Variants in NRG1 observed in about 807,000 individuals in gnomAD.
The protein encoded by NRG1 is neuregulin 1, also known as pro-neuregulin-1, membrane-bound isoform.
A neutral mutation model predicts 63.8 loss-of-function variants in NRG1; 18 were observed. That is an observed-to-expected ratio of 0.28 (90% CI 0.19 to 0.42). The LOEUF (loss-of-function observed/expected upper bound fraction) is 0.42, where lower values mean the gene tolerates loss of function less well. NRG1 is among the 10% of genes least tolerant of loss of function. The pLI is 1.00. For synonymous variants in NRG1, 302 were observed against 301.3 expected (o/e 1.00, Z -0.02); for missense variants, 762 against 814.7 (o/e 0.94, Z 0.79).
intron 1 of NRG1, among the ~76,000 whole-genome samples, chr8:31,747,125 T>C (rs1815959335): frequency 6.6e-6 from 1 of 151,908 alleles, no homozygotes; most frequent in Non-Finnish European, 1.5e-5. Context: ...GAGACTATAG[T>C]CAATAATAAT....
intron 1 of NRG1, among the ~76,000 whole-genome samples, chr8:31,847,664 A>G (rs1826818663): frequency 6.6e-6 from 1 of 152,244 alleles, no homozygotes; most frequent in African/African-American, 2.4e-5. Flanking sequence ...AAAAGACCAC[A>G]TAAATGTTAC....
intron 1 of NRG1, among the ~76,000 whole-genome samples, chr8:31,987,850 G>C (rs1009707713): frequency 4.6e-5 from 7 of 152,048 alleles, no homozygotes; most frequent in African/African-American, 1.7e-4. Flanking sequence ...AAAATAATTA[G>C]AGAGTGGTAG....
At chr8:32,330,514 C>T (rs749388994) in intron 1 of NRG1, among the ~76,000 whole-genome samples, 1 of 152,158 alleles carries the variant, frequency 6.6e-6, no homozygotes, top group Non-Finnish European at 1.5e-5. Flanking sequence ...AATTCATTTG[C>T]CAGAGTCCTC....
intron 1 of NRG1, among the ~76,000 whole-genome samples, chr8:32,049,650 T>C (rs1206028189): frequency 6.6e-6 from 1 of 152,152 alleles, no homozygotes; most frequent in African/African-American, 2.4e-5. Flanking sequence ...AATACAATAT[T>C]GTTTTCTTTA....
intron 1 of NRG1, among the ~76,000 whole-genome samples, chr8:31,973,392 G>A (rs577199352): frequency 1.7e-3 from 254 of 152,168 alleles, no homozygotes; most frequent in Admixed American, 3.2e-3. Flanking sequence ...GTATAAACTC[G>A]TAAATATTTA....
intron 1 of NRG1, among the ~76,000 whole-genome samples, chr8:31,854,832 A>G (rs1008696547): frequency 2.0e-5 from 3 of 152,126 alleles, no homozygotes; most frequent in African/African-American, 7.2e-5. Context: ...CGTTGGTTTC[A>G]AAGAACATCT....
chr8:31,956,625 A>T (rs79522785), intron 1 of NRG1, among the ~76,000 whole-genome samples: 4 of 150,572 alleles, frequency 2.7e-5, no homozygotes, highest in Non-Finnish European at 5.9e-5. Flanking sequence ...CTCCGTCTCA[A>T]AAAAAAAAAG....
At chr8:31,955,319 T>C (rs1445501657) in intron 1 of NRG1, among the ~76,000 whole-genome samples, 1 of 152,224 alleles carries the variant, frequency 6.6e-6, no homozygotes, top group Non-Finnish European at 1.5e-5. Flanking sequence ...CAGAATAGTT[T>C]AGAAACACTG....
At chr8:31,852,109 T>C (rs1186743377) in intron 1 of NRG1, among the ~76,000 whole-genome samples, 6 of 152,120 alleles carry the variant, frequency 3.9e-5, no homozygotes, top group Admixed American at 3.3e-4. Flanking sequence ...TTTACAGTCC[T>C]TTGGGTATAT....
At chr8:32,389,379 T>G (rs1811427856) in intron 1 of NRG1, among the ~76,000 whole-genome samples, 1 of 152,226 alleles carries the variant, frequency 6.6e-6, no homozygotes, top group South Asian at 2.1e-4. Flanking sequence ...GTGGGAGACC[T>G]AGTCGCAGGT....
chr8:31,650,085 C>A (rs1804685675), intron 1 of NRG1, among the ~76,000 whole-genome samples: 1 of 152,140 alleles, frequency 6.6e-6, no homozygotes, highest in Non-Finnish European at 1.5e-5. Context: ...CTCAAGCAGT[C>A]CTCCACTTCA....
At chr8:32,257,245 C>T (rs997434257) in intron 1 of NRG1, among the ~76,000 whole-genome samples, 3 of 152,160 alleles carry the variant, frequency 2.0e-5, no homozygotes, top group Non-Finnish European at 4.4e-5. Flanking sequence ...ATCCGCTGAG[C>T]TAGATCACTT....
intron 1 of NRG1, among the ~76,000 whole-genome samples, chr8:32,342,669 A>G (rs1804221770): frequency 6.6e-6 from 1 of 152,198 alleles, no homozygotes; most frequent in African/African-American, 2.4e-5. Flanking sequence ...CATAGCATAA[A>G]TTTTCTGTAT....
At chr8:32,561,847 T>C (rs1371813162) in intron 1 of NRG1, among the ~76,000 whole-genome samples, 1 of 150,688 alleles carries the variant, frequency 6.6e-6, no homozygotes, top group East Asian at 2.0e-4. Flanking sequence ...TTATTTAGGG[T>C]TTTTGGGGGG....
chr8:32,436,216 T>C (rs1434115848), intron 1 of NRG1, among the ~76,000 whole-genome samples: 1 of 152,118 alleles, frequency 6.6e-6, no homozygotes, highest in Non-Finnish European at 1.5e-5. Context: ...AAACACCTTA[T>C]AAAGCCATCA....
At chr8:32,211,863 T>A (rs1341100751) in intron 1 of NRG1, among the ~76,000 whole-genome samples, 3 of 152,178 alleles carry the variant, frequency 2.0e-5, no homozygotes, top group African/African-American at 7.2e-5. Flanking sequence ...CCTCCCATAC[T>A]ATCTCCAAGG....
intron 1 of NRG1, among the ~76,000 whole-genome samples, chr8:32,017,972 G>A (rs544209855): frequency 2.6e-5 from 4 of 152,274 alleles, no homozygotes; most frequent in Non-Finnish European, 4.4e-5. Context: ...TTCTGCCTTG[G>A]TCATCTTTTG....
At chr8:32,262,277 C>A (rs1398976931) in intron 1 of NRG1, among the ~76,000 whole-genome samples, 1 of 152,124 alleles carries the variant, frequency 6.6e-6, no homozygotes, top group African/African-American at 2.4e-5. Context: ...GACAGGACTG[C>A]TTGCTACTAA....
At chr8:32,510,861 C>T (rs944959739) in intron 1 of NRG1, among the ~76,000 whole-genome samples, 3 of 151,872 alleles carry the variant, frequency 2.0e-5, no homozygotes, top group South Asian at 2.1e-4. Flanking sequence ...AACAGGTCTT[C>T]GTCTTCTCAA....
Sources: gnomAD v4.1 joint callset for allele counts (sites outside exome capture counted in the v4.1 genomes callset) on GRCh38, gnomAD v4.1.1 for gene constraint, MANE v1.5 for transcripts, NCBI Gene and HGNC (gene_info 2026-07-23, HGNC 2026-07-21) for gene names.